OTUD3: variants seen among roughly 807,000 people sequenced by gnomAD.
OTUD3 encodes the protein OTU deubiquitinase 3, also known as OTU domain-containing protein 3.
A neutral mutation model predicts 46.2 loss-of-function variants in OTUD3; 24 were observed. That is an observed-to-expected ratio of 0.52 (90% CI 0.38 to 0.73). OTUD3 has a LOEUF of 0.73. Ranked by LOEUF, OTUD3 falls within the 30% of genes least tolerant of loss-of-function variation. OTUD3 has a pLI of 0.00. For synonymous variants in OTUD3, 189 were observed against 195.4 expected (o/e 0.97, Z 0.27); for missense variants, 455 against 523.3 (o/e 0.87, Z 1.27).
intron 1 of OTUD3, among the ~76,000 whole-genome samples, chr1:19,885,022 G>A (rs1320909512): frequency 6.6e-6 from 1 of 152,148 alleles, no homozygotes; most frequent in Non-Finnish European, 1.5e-5. Context: ...CTCTGATTGG[G>A]TCATGAAGGA....
chr1:19,884,001 A>G (rs542477102), intron 1 of OTUD3, among the ~76,000 whole-genome samples: 1 of 152,298 alleles, frequency 6.6e-6, no homozygotes, highest in South Asian at 2.1e-4. Context: ...TTGGAACTTG[A>G]TTACATTTAT....
chr1:19,896,616 C>G (rs2100284769), intron 3 of OTUD3, among the ~76,000 whole-genome samples: 1 of 152,202 alleles, frequency 6.6e-6, no homozygotes, highest in South Asian at 2.1e-4. Context: ...TGTCTTTAGA[C>G]CATGGATACT....
chr1:19,905,536 T>C (rs1271573401), intron 6 of OTUD3, among the ~76,000 whole-genome samples: 1 of 151,190 alleles, frequency 6.6e-6, no homozygotes, highest in Non-Finnish European at 1.5e-5. Flanking sequence ...AGGTCAGGAG[T>C]TTGAGACCAG....
rs780597530 is a variant in OTUD3 at position 19,897,504 on chromosome 1, G to T, written c.484-36G>T. On this transcript the variant is annotated intron_variant, in intron 3 of 7. Transcript: ENST00000375120. ...TCTCTCCAGAAGTTGATAGTGTTCA[G>T]ATCCTCACTGGCATGGCCCCTTCTT... 3.1e-6 allele frequency: 5 copies of T among 1,611,404 alleles called. 1 individual carries two copies. In the South Asian group the frequency reaches 3.3e-5, roughly 11 times the overall value.
intron 1 of OTUD3, among the ~76,000 whole-genome samples, chr1:19,888,834 CTG>C (rs2045407421): frequency 6.6e-6 from 1 of 152,188 alleles, no homozygotes; most frequent in Non-Finnish European, 1.5e-5. Flanking sequence ...GTTTCTGTGT[CTG>C]TGTATGTGTA....
intron 5 of OTUD3, 46 bp from the exon 6 acceptor site, chr1:19,904,845 C>T (rs780789845): frequency 1.1e-6 from 1 of 911,198 alleles, no homozygotes; most frequent in East Asian, 2.4e-5. Context: ...GAAAAATATA[C>T]CCAGAGTTTT....
At chr1:19,885,057 G>T (rs1363931463) in intron 1 of OTUD3, among the ~76,000 whole-genome samples, 1 of 152,102 alleles carries the variant, frequency 6.6e-6, no homozygotes, top group Non-Finnish European at 1.5e-5. Flanking sequence ...CCAAGAGAAC[G>T]GTCCCATCTG....
At chr1:19,900,413 C>A (rs558258526) in intron 4 of OTUD3, among the ~76,000 whole-genome samples, 10 of 152,068 alleles carry the variant, frequency 6.6e-5, no homozygotes, top group Non-Finnish European at 1.5e-5. Context: ...TGGTCTCGAA[C>A]TCCTGGACTC....
At position 19,908,356 on chromosome 1, in the gene OTUD3, T is replaced by C. The variant is rs1267465864; in HGVS notation, c.*610T>C. ...AAATTAACCGCATTTCTCTCCTTCC[T>C]GATTCTGATGTTATTTCAGATGGGA... is the stretch of plus-strand genomic sequence containing the variant. On this transcript the variant is annotated 3_prime_UTR_variant, in exon 8 of 8. Coordinates refer to ENST00000375120, the MANE Select transcript of OTUD3 (RefSeq NM_015207.2). 6.6e-6 allele frequency: 1 copy of C among 152,406 alleles called. No homozygotes were observed. Among genetic ancestry groups the C allele is most frequent in the Non-Finnish European group, 1.5e-5 (1 of 68,048 alleles). 9.4% of individuals were successfully genotyped at this position (152,406 alleles called of 1,614,324 possible).
rs2045719763 is a variant in OTUD3, at chr1:19,910,359, A to G, written c.*2613A>G. The G allele has an allele frequency of 6.6e-6, 1 of 152,326 alleles. No homozygotes were observed. Among genetic ancestry groups the G allele is most frequent in the Admixed American group, 6.5e-5 (1 of 15,280 alleles). The allele number at this position is 152,326 out of a possible 1,614,324, so 9.4% of individuals were successfully genotyped here. ...TGCATAGCTGCTTACTGCTCTTATAAACGGTATATAAAGGTTTTACGGATT... is the reference window on the plus strand; with the variant it reads ...TGCATAGCTGCTTACTGCTCTTATAGACGGTATATAAAGGTTTTACGGATT... On this transcript the variant is annotated 3_prime_UTR_variant, in exon 8 of 8. Coordinates refer to ENST00000375120, the MANE Select transcript of OTUD3 (RefSeq NM_015207.2).
rs775486598 is a variant in OTUD3 at position 19,907,698 on chromosome 1, G to A, written c.1149G>A (p.Ala383=). The A allele has an allele frequency of 9.3e-6, 15 of 1,614,090 alleles. No individual in the cohort carries two copies. Among genetic ancestry groups the A allele is most frequent in the African/African-American group, 1.3e-5 (1 of 74,932 alleles). Residue 383 remains alanine, a synonymous_variant, in exon 8 of 8, where the codon GCG becomes GCA. Coordinates refer to ENST00000375120, the MANE Select transcript of OTUD3 (RefSeq NM_015207.2). ...HRDNNRSEAE[A]NTQVTLVKTF... is the part of the protein sequence containing the mutation. The stretch of plus-strand genomic sequence containing the variant: ...ACAATAACAGAAGCGAAGCAGAGGC[G>A]AACACGCAGGTCACCTTGGTGAAGA...
intron 1 of OTUD3, among the ~76,000 whole-genome samples, chr1:19,883,988 C>T (rs1319391213): frequency 3.9e-5 from 6 of 152,164 alleles, no homozygotes; most frequent in Non-Finnish European, 8.8e-5. Flanking sequence ...GCTTAAGATG[C>T]AGTTGGAACT....
In OTUD3 at chr1:19,909,209, G is replaced by T. The variant is rs2045703384; in HGVS notation, c.*1463G>T. 6.6e-6 allele frequency: 1 copy of T among 152,290 alleles called. No homozygotes were observed. Among genetic ancestry groups the T allele is most frequent in the Admixed American group, 6.5e-5 (1 of 15,272 alleles). The allele number at this position is 152,290 out of a possible 1,614,324, so 9.4% of individuals were successfully genotyped here. A position where few individuals can be genotyped will look rare whatever the true frequency, so the allele number is the denominator to read the frequency against. Reference sequence around the variant, plus strand: ...AAACTAAAATGTTTGGTAGGCCCTGGAGTCGCCAGATTGTCTTTATCACCA... The same window carrying T: ...AAACTAAAATGTTTGGTAGGCCCTGTAGTCGCCAGATTGTCTTTATCACCA... On this transcript the variant is annotated 3_prime_UTR_variant, in exon 8 of 8. Coordinates refer to ENST00000375120, the MANE Select transcript of OTUD3 (RefSeq NM_015207.2).
chr1:19,910,317 A>T lies in OTUD3; in HGVS notation c.*2571A>T, dbSNP rs949744128. ...GTAGCTTGTAGTGTGGTCAGGAGAA[A>T]GGGGATGGAGCAGTGGTGCATAGCT... On this transcript the variant is annotated 3_prime_UTR_variant, in exon 8 of 8. Coordinates refer to ENST00000375120, the MANE Select transcript of OTUD3 (RefSeq NM_015207.2). The T allele has an allele frequency of 1.3e-5, 2 of 152,370 alleles. No homozygotes were observed. The highest frequency in any genetic ancestry group is 4.8e-5 in the African/African-American group (2 of 41,458). The allele number at this position is 152,370 out of a possible 1,614,324, so 9.4% of individuals were successfully genotyped here.
rs760015062 is a variant in OTUD3 at position 19,882,642 on chromosome 1, T to TGGCGGCGGC, written c.136_144dup (p.Gly46_Gly48dup). 1.4e-6 allele frequency: 2 copies of TGGCGGCGGC among 1,461,468 alleles called. No individual in the cohort carries two copies. Among genetic ancestry groups the TGGCGGCGGC allele is most frequent in the Non-Finnish European group, 1.8e-6 (2 of 1,108,812 alleles). 90.5% of individuals were successfully genotyped at this position (1,461,468 alleles called of 1,614,324 possible). On this transcript the variant is annotated inframe_insertion, in exon 1 of 8. Transcript: ENST00000375120. The stretch of plus-strand genomic sequence containing the variant: ...AGGAGCGGCGGAATCGGCCGGAGTC[T>TGGCGGCGGC]GGCGGCGGCGGCGGCTGCGAGGAGG...
At chr1:19,890,579 G>C in intron 2 of OTUD3, 46 bp downstream of exon 2, 1 of 1,560,226 alleles carries the variant, frequency 6.4e-7, no homozygotes, top group Non-Finnish European at 8.8e-7. Flanking sequence ...TAATGCATTG[G>C]GTAATTAAGT....
intron 4 of OTUD3, among the ~76,000 whole-genome samples, chr1:19,900,891 A>G (rs2045577964): frequency 6.6e-6 from 1 of 151,412 alleles, no homozygotes; most frequent in Non-Finnish European, 1.5e-5. Context: ...AGTTCAAAGG[A>G]AATCCTATTG....
chr1:19,900,854 A>G (rs1234523749), intron 4 of OTUD3, among the ~76,000 whole-genome samples: 2 of 151,968 alleles, frequency 1.3e-5, no homozygotes, highest in African/African-American at 4.8e-5. Flanking sequence ...TAAAAAAAAC[A>G]AAATGAATGT....
intron 2 of OTUD3, 76 bp downstream of exon 2, chr1:19,890,609 T>C: frequency 7.7e-7 from 1 of 1,294,714 alleles, no homozygotes; most frequent in East Asian, 2.3e-5. Flanking sequence ...TCCTCCCCCC[T>C]CCCAGCCAAG....
Sources: gnomAD v4.1 joint callset for allele counts (sites outside exome capture counted in the v4.1 genomes callset) on GRCh38, gnomAD v4.1.1 for gene constraint, MANE v1.5 for transcripts, NCBI Gene and HGNC (gene_info 2026-07-23, HGNC 2026-07-21) for gene names.